TMEM168: variants seen among roughly 807,000 people sequenced by gnomAD.
TMEM168 encodes the protein transmembrane protein 168.
In TMEM168, 40 loss-of-function variants were observed where a neutral mutation model predicts 53.2. The ratio of observed to expected loss-of-function variants is 0.75; its 90% CI spans 0.58 to 0.98. The LOEUF is 0.98. Among genes scored for constraint, TMEM168 ranks in the 50% least tolerant of loss-of-function variants. The pLI is 0.00. For missense variants in TMEM168, 771 were observed against 828.8 expected (o/e 0.93, Z 0.86); for synonymous variants, 282 against 293.0 (o/e 0.96, Z 0.38).
rs922940986 is a variant in TMEM168 at position 112,766,967 on chromosome 7, C to T, written c.*230G>A. ...CCTGAAAGTGCAGTGTTATTTTTAACGTCTCTTATGCATTTACAGTAAGCA... is the reference window on the plus strand; with the variant it reads ...CCTGAAAGTGCAGTGTTATTTTTAATGTCTCTTATGCATTTACAGTAAGCA... On this transcript the variant is annotated 3_prime_UTR_variant, in exon 5 of 5. Transcript: ENST00000312814. 4.8e-5 allele frequency: 23 copies of T among 481,770 alleles called. No homozygotes were observed. The Admixed American group carries it at 8.0e-4, about 17-fold the overall frequency. The allele number at this position is 481,770 out of a possible 1,614,324, so 29.8% of individuals were successfully genotyped here.
In TMEM168 at chr7:112,767,728, G is replaced by A; in HGVS notation, c.1563C>T (p.Arg521=). ...EWALAGGDTL[R]LDTLIEWWRE... ...TCCACCATTCTATAAGTGTGTCAAG[G>A]CGTAGTGTATCTCCACCTGTGAACA... Residue 521 remains arginine, a synonymous_variant, in exon 5 of 5, where the codon CGC becomes CGT. Transcript: ENST00000312814. 1 of 1,610,954 alleles carries A rather than the reference G, an allele frequency of 6.2e-7. No individual in the cohort carries two copies. Among genetic ancestry groups the A allele is most frequent in the Non-Finnish European group, 8.5e-7 (1 of 1,179,126 alleles).
Position 112,783,682 on chromosome 7 carries a change from C to T in TMEM168, c.1128+16G>A. The T allele has an allele frequency of 2.8e-6, 4 of 1,452,696 alleles. No individual in the cohort carries two copies. The highest frequency in any genetic ancestry group is 3.6e-6 in the Non-Finnish European group (4 of 1,102,034). 90.0% of individuals were successfully genotyped at this position (1,452,696 alleles called of 1,614,324 possible). ...ATTACACGTCATTGGGGTTGCTGGA[C>T]AAACAATAAGCTTACCTGCCAGGAA... On this transcript the variant is annotated intron_variant, in intron 2 of 4. Transcript: ENST00000312814.
intron 4 of TMEM168, among the ~76,000 whole-genome samples, chr7:112,771,062 G>A (rs868409234): frequency 4.7e-4 from 71 of 152,290 alleles, no homozygotes; most frequent in African/African-American, 1.6e-3. Flanking sequence ...ACCTGAAACT[G>A]AAGTAGCCAT....
In TMEM168 at chr7:112,780,916, G is replaced by A. The variant is rs547774492; in HGVS notation, c.1128+2782C>T. ...GCTCTACAAATTGACTGTGGTAGTG[G>A]TGGTCACACAAATACATGATCCGTA... On this transcript the variant is annotated intron_variant, in intron 2 of 4. Transcript: ENST00000312814. Among the ~76,000 whole-genome samples the A allele has an allele frequency of 3.5e-5, 5 of 142,286 alleles. No homozygotes were observed. The South Asian group carries it at 1.1e-3, about 32-fold the overall frequency. The allele number at this position is 142,286 out of a possible 152,430, so 93.3% of individuals were successfully genotyped here. A position where few individuals can be genotyped will look rare whatever the true frequency, so the allele number is the denominator to read the frequency against.
chr7:112,767,378 T>C lies in TMEM168; in HGVS notation c.1913A>G (p.His638Arg), dbSNP rs1470582936. The C allele has an allele frequency of 1.9e-6, 3 of 1,614,204 alleles. No individual in the cohort carries two copies. The highest frequency in any genetic ancestry group is 2.5e-6 in the Non-Finnish European group (3 of 1,180,016). Residue 638 changes from histidine (H) to arginine (R), a missense_variant, in exon 5 of 5, where the codon CAC becomes CGC. Transcript: ENST00000312814. ...AATACGAGGAAAGTGTAACATCCAG[T>C]GCTTGGCCACATCGCTTCCCGTTGG... is the stretch of plus-strand genomic sequence containing the variant. ...HLPTGSDVAKHWMLHFPRITY... is the reference protein window; with the variant it reads ...HLPTGSDVAKRWMLHFPRITY...
At position 112,784,276 on chromosome 7, in the gene TMEM168, C is replaced by G. The variant is rs1793313522; in HGVS notation, c.550G>C (p.Val184Leu). Residue 184 changes from valine to leucine, a missense_variant, in exon 2 of 5, where the codon GTT (valine) becomes CTT (leucine). Val to Leu is a conservative substitution (Grantham distance 32, BLOSUM62 1). Transcript: ENST00000312814. ...VEKSLSVILL[V>L]VALAMLIIDL... Reference sequence around the variant, plus strand: ...ATAATCAGCATAGCCAGAGCTACAACAAGCAAAATGACACTCAGAGACTTC... The same window carrying G: ...ATAATCAGCATAGCCAGAGCTACAAGAAGCAAAATGACACTCAGAGACTTC... 6.2e-7 allele frequency: 1 copy of G among 1,614,116 alleles called. No individual in the cohort carries two copies. The highest frequency in any genetic ancestry group is 2.2e-5 in the East Asian group (1 of 44,870).
chr7:112,767,312 A>C lies in TMEM168; in HGVS notation c.1979T>G (p.Leu660Arg). ...AGTTTTGCAGATCCAAAAAAGGTTC[A>C]GACCGCATAACCAATTTGCCAAATG... ...LVHLANWLCGLNLFWICKTCF... is the reference protein window; with the variant it reads ...LVHLANWLCGRNLFWICKTCF... The change falls in exon 5 of 5, where the codon CTG becomes CGG. Residue 660 changes from leucine (L) to arginine (R), a missense_variant. Physicochemically the swap from Leu to Arg is moderately radical, Grantham distance 102 (BLOSUM62 -2). Coordinates refer to ENST00000312814, the MANE Select transcript of TMEM168 (RefSeq NM_022484.6). The C allele has an allele frequency of 6.2e-7, 1 of 1,614,192 alleles. No homozygotes were observed. Among genetic ancestry groups the C allele is most frequent in the Non-Finnish European group, 8.5e-7 (1 of 1,180,010 alleles).
chr7:112,763,337 A>T lies in TMEM168; in HGVS notation c.*3860T>A, dbSNP rs1792701913. 1 of 152,142 alleles carries T rather than the reference A, an allele frequency of 6.6e-6. No individual in the cohort carries two copies. Among genetic ancestry groups the T allele is most frequent in the African/African-American group, 2.4e-5 (1 of 41,454 alleles). The allele number at this position is 152,142 out of a possible 1,614,324, so 9.4% of individuals were successfully genotyped here. A position where few individuals can be genotyped will look rare whatever the true frequency, so the allele number is the denominator to read the frequency against. ...TATCCATTTAAGTAAAACTAAAGAA[A>T]ATGTAGTAATTTACAATCAAGTTAT... On this transcript the variant is annotated 3_prime_UTR_variant, in exon 5 of 5. Coordinates refer to ENST00000312814, the MANE Select transcript of TMEM168 (RefSeq NM_022484.6).
intron 4 of TMEM168, among the ~76,000 whole-genome samples, chr7:112,771,841 A>T (rs554617551): frequency 6.6e-6 from 1 of 151,644 alleles, no homozygotes; most frequent in Non-Finnish European, 1.5e-5. Flanking sequence ...GGTTTAAAAC[A>T]TCTACACTTT....
At chr7:112,770,666 A>C (rs973000474) in intron 4 of TMEM168, among the ~76,000 whole-genome samples, 2 of 152,162 alleles carry the variant, frequency 1.3e-5, no homozygotes, top group African/African-American at 4.8e-5. Context: ...AAAAGCTGAT[A>C]TAAGTATTAG....
Position 112,787,567 on chromosome 7 carries a change from G to A in TMEM168, c.-129+2593C>T, listed in dbSNP as rs189797106. 4.5e-3 allele frequency among the ~76,000 whole-genome samples: 672 copies of A among 150,854 alleles called. 3 individuals carry two copies. The highest frequency in any genetic ancestry group is 8.1e-3 in the Non-Finnish European group (547 of 67,646). On this transcript the variant is annotated intron_variant, in intron 1 of 4. Transcript: ENST00000312814. Reference sequence around the variant, plus strand: ...GTAGCTGGGATTACAGGCGCCCATCGCCATGCCCAGTTAATTTTTGTATTT... The same window carrying A: ...GTAGCTGGGATTACAGGCGCCCATCACCATGCCCAGTTAATTTTTGTATTT...
chr7:112,767,762 T>C lies in TMEM168; in HGVS notation c.1547-18A>G. 6.4e-7 allele frequency: 1 copy of C among 1,572,522 alleles called. No individual in the cohort carries two copies. Among genetic ancestry groups the C allele is most frequent in the Non-Finnish European group, 8.6e-7 (1 of 1,164,426 alleles). On this transcript the variant is annotated intron_variant, in intron 4 of 4. Transcript: ENST00000312814. ...ATCTCCACCTGTGAACAAGAGAAAA[T>C]TCAATGGAGCAATAATTTCTGCAGC...
intron 2 of TMEM168, among the ~76,000 whole-genome samples, chr7:112,782,847 C>A (rs1793268032): frequency 6.6e-6 from 1 of 152,180 alleles, no homozygotes; most frequent in African/African-American, 2.4e-5. Context: ...TCCTTTATGC[C>A]CCACATCCCA....
Position 112,775,277 on chromosome 7 carries a change from C to G in TMEM168, c.1170G>C (p.Leu390Phe). ...GCCCATGAGCCATGGATTCCAATGG[C>G]AAAACGATTAGAAACATGCTCAAGA... ...GIFLSMFLIVLPLESMAHGLF... is the reference protein window; with the variant it reads ...GIFLSMFLIVFPLESMAHGLF... Residue 390 changes from leucine (L) to phenylalanine (F), a missense_variant, in exon 3 of 5, where the codon TTG becomes TTC. Physicochemically the swap from Leu to Phe is conservative, Grantham distance 22 (BLOSUM62 0). Transcript: ENST00000312814. The G allele has an allele frequency of 6.2e-7, 1 of 1,613,274 alleles. No individual in the cohort carries two copies. The highest frequency in any genetic ancestry group is 8.5e-7 in the Non-Finnish European group (1 of 1,179,700).
In TMEM168 at chr7:112,766,890, T is replaced by C. The variant is rs559589914; in HGVS notation, c.*307A>G. Reference sequence around the variant, plus strand: ...GGCATTAGTAATTCATCATTGACCATTGCAGAGCATAGACAACTGTTTCTT... The same window carrying C: ...GGCATTAGTAATTCATCATTGACCACTGCAGAGCATAGACAACTGTTTCTT... On this transcript the variant is annotated 3_prime_UTR_variant, in exon 5 of 5. Coordinates refer to ENST00000312814, the MANE Select transcript of TMEM168 (RefSeq NM_022484.6). The C allele has an allele frequency of 5.3e-5, 15 of 285,008 alleles. No homozygotes were observed. The highest frequency in any genetic ancestry group is 3.4e-4 in the South Asian group (5 of 14,882). 17.7% of individuals were successfully genotyped at this position (285,008 alleles called of 1,614,324 possible).
chr7:112,782,804 C>CTG lies in TMEM168; in HGVS notation c.1128+893_1128+894insCA, dbSNP rs1209393912. ...AGAAATCAGTCAGCAGCAACAAACT[C>CTG]TTACAGAGAGCTGCACCAAGCAGAG... is the stretch of plus-strand genomic sequence containing the variant. On this transcript the variant is annotated intron_variant, in intron 2 of 4. Transcript: ENST00000312814. 2.0e-5 allele frequency among the ~76,000 whole-genome samples: 3 copies of CTG among 152,280 alleles called. No homozygotes were observed. In the East Asian group the frequency reaches 5.8e-4, roughly 29 times the overall value.
intron 4 of TMEM168, 130 bp from the exon 5 acceptor site, chr7:112,767,874 T>A: frequency 1.4e-6 from 1 of 690,014 alleles, no homozygotes; most frequent in Non-Finnish European, 2.1e-6. Context: ...TTCTTAGAAT[T>A]AAATAAGCAA....
At chr7:112,777,017 T>A (rs769300307) in intron 2 of TMEM168, among the ~76,000 whole-genome samples, 1 of 152,118 alleles carries the variant, frequency 6.6e-6, no homozygotes, top group East Asian at 1.9e-4. Context: ...GTTAAATATT[T>A]TGCCCACCTT....
In TMEM168 at chr7:112,784,695, A is replaced by G. The variant is rs763166965; in HGVS notation, c.131T>C (p.Leu44Ser). 1 of 1,614,050 alleles carries G rather than the reference A, an allele frequency of 6.2e-7. No individual in the cohort carries two copies. Among genetic ancestry groups the G allele is most frequent in the Non-Finnish European group, 8.5e-7 (1 of 1,179,996 alleles). The change falls in exon 2 of 5, where the codon TTA (leucine) becomes TCA (serine). Residue 44 changes from leucine to serine, a missense_variant. Leu to Ser is a moderately radical substitution (Grantham distance 145). Transcript: ENST00000312814. ...RYLGYLARIN[L>S]LVAICLGLYV... ...TAGACCTAAGCATATAGCAACCAAT[A>G]AATTGATTCTGGCTAAATAGCCAAG...
Sources: allele counts gnomAD v4.1 joint callset (sites outside exome capture counted in the v4.1 genomes callset), GRCh38; gene constraint gnomAD v4.1.1; transcripts MANE v1.5; gene names NCBI Gene and HGNC (gene_info 2026-07-23, HGNC 2026-07-21).